DNM1L: variants seen among roughly 807,000 people sequenced by gnomAD.
DNM1L encodes dynamin 1L.
DNM1L carries 33 observed loss-of-function variants against 92.8 expected under a neutral mutation model. The observed-to-expected ratio is 0.36, with a 90% CI of 0.27 to 0.48. DNM1L has a LOEUF of 0.48. Among genes scored for constraint, DNM1L ranks in the 20% least tolerant of loss-of-function variants. The probability of loss-of-function intolerance (pLI) is 0.99; values close to 1 mark genes in which losing one functional copy is unlikely to be tolerated. For synonymous variants in DNM1L, 284 were observed against 305.0 expected (o/e 0.93, Z 0.72); for missense variants, 485 against 888.8 (o/e 0.55, Z 5.78).
Position 32,745,303 on chromosome 12 carries a change from A to AACTT in DNM1L, c.*1896_*1899dup, listed in dbSNP as rs769075344. ...TAAGGGGAAAAAAAACAAAAACAAA[A>AACTT]ACTTACGATGCACTTTTCTCCAGCA... On this transcript the variant is annotated 3_prime_UTR_variant, in exon 20 of 20. Transcript: ENST00000549701. The AACTT allele has an allele frequency of 1.3e-5, 3 of 226,762 alleles. No homozygotes were observed. The highest frequency in any genetic ancestry group is 5.7e-5 in the Admixed American group (1 of 17,604). The allele number at this position is 226,762 out of a possible 1,614,324, so 14.0% of individuals were successfully genotyped here.
chr12:32,688,590 T>C (rs1378322757), intron 1 of DNM1L, among the ~76,000 whole-genome samples: 2 of 152,242 alleles, frequency 1.3e-5, no homozygotes, highest in Non-Finnish European at 2.9e-5. Flanking sequence ...TTGCTGCTTT[T>C]AGCATTTGTC....
intron 1 of DNM1L, among the ~76,000 whole-genome samples, chr12:32,696,954 A>T (rs144008975): frequency 0.011 from 1,665 of 150,290 alleles, 26 homozygotes; most frequent in African/African-American, 0.039. Context: ...TTAAATATGG[A>T]ATTTCATTGT....
At chr12:32,740,278 T>G in intron 17 of DNM1L, 38 bp downstream of exon 17, 1 of 1,613,978 alleles carries the variant, frequency 6.2e-7, no homozygotes, top group Non-Finnish European at 8.5e-7. Flanking sequence ...ATAAGGTAGG[T>G]GACCAAGTTA....
intron 9 of DNM1L, among the ~76,000 whole-genome samples, chr12:32,730,694 G>A (rs1239554856): frequency 6.6e-6 from 1 of 152,152 alleles, no homozygotes; most frequent in Non-Finnish European, 1.5e-5. Flanking sequence ...ATAAATATAA[G>A]GCACTGTTTC....
chr12:32,701,017 C>T (rs575605972), intron 1 of DNM1L, among the ~76,000 whole-genome samples: 4 of 152,236 alleles, frequency 2.6e-5, no homozygotes, highest in Admixed American at 6.5e-5. Context: ...TGGCTTACAC[C>T]TGTAATCCCA....
At chr12:32,729,210 T>C (rs1201078547) in intron 9 of DNM1L, among the ~76,000 whole-genome samples, 1 of 151,972 alleles carries the variant, frequency 6.6e-6, no homozygotes, top group Non-Finnish European at 1.5e-5. Context: ...GCCTCCCGAG[T>C]AGCTGGGATT....
chr12:32,707,803 T>C (rs1952983676), intron 3 of DNM1L, among the ~76,000 whole-genome samples: 1 of 151,876 alleles, frequency 6.6e-6, no homozygotes, highest in African/African-American at 2.4e-5. Flanking sequence ...TAAAAAAAAT[T>C]AGCCCCGCGT....
intron 9 of DNM1L, among the ~76,000 whole-genome samples, chr12:32,724,593 A>AATATATATATATAT (rs869170631): frequency 7.5e-5 from 5 of 66,672 alleles, no homozygotes; most frequent in South Asian, 4.9e-4. Flanking sequence ...AAAAAAAAAA[A>AATATATATATATAT]ATATATATAT....
At chr12:32,687,901 C>T (rs1253995841) in intron 1 of DNM1L, among the ~76,000 whole-genome samples, 1 of 151,838 alleles carries the variant, frequency 6.6e-6, no homozygotes, top group Non-Finnish European at 1.5e-5. Context: ...TTTGGGGTCC[C>T]TTGTCATTCA....
chr12:32,697,585 CTG>C (rs979289698), intron 1 of DNM1L, among the ~76,000 whole-genome samples: 2 of 152,094 alleles, frequency 1.3e-5, no homozygotes, highest in African/African-American at 2.4e-5. Flanking sequence ...CTGTCACAAA[CTG>C]TCATTGAGAA....
At chr12:32,695,654 C>T (rs191079814) in intron 1 of DNM1L, among the ~76,000 whole-genome samples, 47 of 151,930 alleles carry the variant, frequency 3.1e-4, no homozygotes, top group African/African-American at 8.7e-4. Flanking sequence ...GCGTGTAGTC[C>T]CAGCTACTCG....
chr12:32,727,332 C>CT lies in DNM1L; in HGVS notation c.1080-3678dup. The stretch of plus-strand genomic sequence containing the variant: ...CAGGTTTTTGAGAGCATTCACTCCT[C>CT]TTTTAACTACCCTAGCTAGGCAGGT... On this transcript the variant is annotated intron_variant, in intron 9 of 19. Coordinates refer to ENST00000549701, the MANE Select transcript of DNM1L (RefSeq NM_012062.5). 4.9e-6 allele frequency: 4 copies of CT among 809,768 alleles called. 1 individual carries two copies. The South Asian group carries it at 5.3e-5, about 11-fold the overall frequency. The allele number at this position is 809,768 out of a possible 1,614,324, so 50.2% of individuals were successfully genotyped here.
intron 1 of DNM1L, among the ~76,000 whole-genome samples, chr12:32,697,406 A>C (rs1249708644): frequency 6.6e-6 from 1 of 152,206 alleles, no homozygotes; most frequent in Admixed American, 6.5e-5. Context: ...GTTTGAAAGA[A>C]GATATGATCT....
At position 32,722,418 on chromosome 12, in the gene DNM1L, C is replaced by G. The variant is rs753066800; in HGVS notation, c.873-9C>G. ...TACTTTTAAATCCTTCCTTTCTAAC[C>G]TTTTTTAGGTTACTGATGCATCACA... On this transcript the variant is annotated splice_polypyrimidine_tract_variant and intron_variant, in intron 8 of 19. Coordinates refer to ENST00000549701, the MANE Select transcript of DNM1L (RefSeq NM_012062.5). 20 of 1,610,306 alleles carry G rather than the reference C, an allele frequency of 1.2e-5. No individual in the cohort carries two copies. The highest frequency in any genetic ancestry group is 1.6e-5 in the Non-Finnish European group (19 of 1,178,926).
intron 4 of DNM1L, 136 bp from the exon 5 acceptor site, chr12:32,710,793 T>A: frequency 7.1e-6 from 5 of 704,092 alleles, no homozygotes; most frequent in Non-Finnish European, 1.1e-5. Context: ...TTTCATCAGG[T>A]TTTGATTGTT....
At chr12:32,738,390 G>T (rs904485871) in intron 16 of DNM1L, 94 bp downstream of exon 16, 16 of 1,326,312 alleles carry the variant, frequency 1.2e-5, no homozygotes, top group Non-Finnish European at 1.6e-5. Context: ...TTGTGTAGTG[G>T]TATCTATCTC....
intron 2 of DNM1L, chr12:32,705,934 A>T: frequency 1.5e-6 from 2 of 1,363,794 alleles, no homozygotes; most frequent in Non-Finnish European, 2.0e-6. Flanking sequence ...GTACTATTAC[A>T]GGCTGTGTGT....
Position 32,732,517 on chromosome 12 carries a change from T to C in DNM1L, c.1446+574T>C, listed in dbSNP as rs1466212471. On this transcript the variant is annotated intron_variant, in intron 12 of 19. Coordinates refer to ENST00000549701, the MANE Select transcript of DNM1L (RefSeq NM_012062.5). ...GTTGGCTGGGTTTTTTGTTTTTTGT[T>C]TTCTTTCTGATCACTAAAAGTGCAT... 6.6e-6 allele frequency: 3 copies of C among 456,014 alleles called. No homozygotes were observed. In the Admixed American group the frequency reaches 7.0e-5, roughly 11 times the overall value. The allele number at this position is 456,014 out of a possible 1,614,324, so 28.2% of individuals were successfully genotyped here.
chr12:32,715,622 C>G (rs1323374537), intron 6 of DNM1L, among the ~76,000 whole-genome samples: 1 of 151,994 alleles, frequency 6.6e-6, no homozygotes. Context: ...GTCCCAGCTA[C>G]TGGGGAGGCT....
Sources: allele counts gnomAD v4.1 joint callset (sites outside exome capture counted in the v4.1 genomes callset), GRCh38; gene constraint gnomAD v4.1.1; transcripts MANE v1.5; gene names NCBI Gene and HGNC (gene_info 2026-07-23, HGNC 2026-07-21).